Variants in BRWD3 observed in about 807,000 individuals in gnomAD.
BRWD3 encodes bromodomain and WD repeat domain containing 3.
A neutral mutation model predicts 149.7 loss-of-function variants in BRWD3; 10 were observed. That is an observed-to-expected ratio of 0.07 (90% CI 0.04 to 0.11). The LOEUF is 0.11. BRWD3 is among the 10% of genes least tolerant of loss of function. BRWD3 has a pLI of 1.00. For missense variants in BRWD3, 940 were observed against 1,373.2 expected, an observed-to-expected ratio of 0.68 and a Z score of 4.99; for synonymous variants, 504 against 456.7, an observed-to-expected ratio of 1.10 and a Z score of -1.32.
At chrX:80,704,136 G>A (rs1479867645) in intron 23 of BRWD3, among the ~76,000 whole-genome samples, 1 of 110,981 alleles carries the variant, frequency 9.0e-6, no homozygotes, top group Non-Finnish European at 1.9e-5. Flanking sequence ...AGGCTGAGGT[G>A]GGAGTATTGC....
intron 20 of BRWD3, chrX:80,710,578 C>T (rs1370882314): frequency 4.3e-6 from 2 of 462,140 alleles, no homozygotes; most frequent in African/African-American, 2.4e-5. Flanking sequence ...TTGGAGTTTA[C>T]AATCTATCAT....
intron 20 of BRWD3, 82 bp downstream of exon 20, chrX:80,716,075 C>T: frequency 2.5e-6 from 2 of 809,246 alleles, no homozygotes; most frequent in Non-Finnish European, 3.7e-6. Context: ...TCTCTTAACA[C>T]ACAACTGCTG....
intron 6 of BRWD3, among the ~76,000 whole-genome samples, chrX:80,775,064 T>C (rs1007802003): frequency 1.8e-5 from 2 of 112,386 alleles, no homozygotes; most frequent in Non-Finnish European, 3.8e-5. Flanking sequence ...CTAAGGACCA[T>C]GGACCAAATG....
intron 27 of BRWD3, among the ~76,000 whole-genome samples, chrX:80,693,323 GCAT>G (rs763109654): frequency 1.1e-3 from 120 of 111,700 alleles, no homozygotes; most frequent in Non-Finnish European, 2.1e-3. Context: ...CAATTAATTA[GCAT>G]CATCATTAGG....
chrX:80,772,633 G>C (rs776996889), intron 6 of BRWD3, among the ~76,000 whole-genome samples: 7 of 110,255 alleles, frequency 6.3e-5, no homozygotes, highest in Non-Finnish European at 1.1e-4. Flanking sequence ...AAAAATAAAT[G>C]ATCCTGAAGA....
intron 6 of BRWD3, among the ~76,000 whole-genome samples, chrX:80,759,755 C>A (rs918288906): frequency 3.4e-4 from 38 of 111,595 alleles, no homozygotes; most frequent in African/African-American, 1.1e-3. Context: ...TATGGCTCAA[C>A]ATGATAGCTA....
At position 80,735,212 on chromosome X, in the gene BRWD3, A is replaced by G; in HGVS notation, c.915-15T>C. ...CCGGGCGATCTCTAAAGATAAAAAT[A>G]AGGTGTTTTTGTGTTTCATCATGTT... On this transcript the variant is annotated splice_polypyrimidine_tract_variant and intron_variant, in intron 9 of 40. Coordinates refer to ENST00000373275, the MANE Select transcript of BRWD3 (RefSeq NM_153252.5). 1 of 1,191,691 alleles carries G rather than the reference A, an allele frequency of 8.4e-7. No homozygotes were observed. Among genetic ancestry groups the G allele is most frequent in the South Asian group, 1.8e-5 (1 of 56,460 alleles).
intron 5 of BRWD3, 123 bp from the exon 6 acceptor site, chrX:80,792,075 T>A: frequency 2.0e-6 from 1 of 496,698 alleles, no homozygotes; most frequent in African/African-American, 2.4e-5. Flanking sequence ...TAAACCAAAA[T>A]GAAAATAATA....
chrX:80,690,756 C>T (rs1376799559), intron 31 of BRWD3, among the ~76,000 whole-genome samples: 2 of 111,681 alleles, frequency 1.8e-5, no homozygotes, highest in East Asian at 5.6e-4. Context: ...TTTGTAGCAC[C>T]TTAATAACGA....
intron 6 of BRWD3, among the ~76,000 whole-genome samples, chrX:80,790,411 GTACCAGT>G (rs2074168563): frequency 9.1e-6 from 1 of 110,333 alleles, no homozygotes; most frequent in South Asian, 3.8e-4. Context: ...AGCATCTTGA[GTACCAGT>G]TACTACATGA....
intron 14 of BRWD3, among the ~76,000 whole-genome samples, chrX:80,727,241 A>G (rs772951086): frequency 2.0e-4 from 22 of 111,509 alleles, no homozygotes; most frequent in African/African-American, 6.8e-4. Context: ...AGTCACTCTT[A>G]GCCCATTCCA....
intron 6 of BRWD3, among the ~76,000 whole-genome samples, chrX:80,771,331 C>T (rs1049731795): frequency 1.8e-5 from 2 of 111,665 alleles, no homozygotes; most frequent in African/African-American, 6.5e-5. Context: ...GGAGGCATCA[C>T]ACTACCTGGC....
chrX:80,753,835 T>C (rs998635355), intron 6 of BRWD3, among the ~76,000 whole-genome samples: 4 of 111,310 alleles, frequency 3.6e-5, no homozygotes, highest in Non-Finnish European at 7.5e-5. Flanking sequence ...TGGCTATAAA[T>C]ATGTAGATTT....
intron 14 of BRWD3, 134 bp from the exon 15 acceptor site, chrX:80,725,201 G>C: frequency 1.5e-6 from 1 of 650,533 alleles, no homozygotes; most frequent in Non-Finnish European, 2.4e-6. Flanking sequence ...TTATGACATG[G>C]ATACTACATG....
chrX:80,794,005 C>A (rs2074210141), intron 4 of BRWD3, among the ~76,000 whole-genome samples: 1 of 109,876 alleles, frequency 9.1e-6, no homozygotes, highest in Non-Finnish European at 1.9e-5. Flanking sequence ...ATGGTGAAAC[C>A]CCATCTCCAC....
intron 6 of BRWD3, among the ~76,000 whole-genome samples, chrX:80,783,199 A>C (rs1282589893): frequency 9.1e-6 from 1 of 110,093 alleles, no homozygotes; most frequent in Non-Finnish European, 1.9e-5. Flanking sequence ...CAGCCTGGCC[A>C]ACGTGGTGAA....
chrX:80,805,075 C>A (rs2074336536), intron 4 of BRWD3, among the ~76,000 whole-genome samples: 1 of 111,831 alleles, frequency 8.9e-6, no homozygotes, highest in African/African-American at 3.3e-5. Context: ...TAACTGCAAG[C>A]AGCTTTAATA....
At chrX:80,794,528 A>AT (rs1569290710) in intron 4 of BRWD3, among the ~76,000 whole-genome samples, 86 of 108,253 alleles carry the variant, frequency 7.9e-4, no homozygotes, top group Non-Finnish European at 1.2e-3. Context: ...TAAATAAAAA[A>AT]ATATATATAT....
chrX:80,707,369 A>G (rs947973135), intron 22 of BRWD3, 58 bp downstream of exon 22: 1 of 1,019,142 alleles, frequency 9.8e-7, no homozygotes, highest in African/African-American at 1.9e-5. Flanking sequence ...CTACGAGAAC[A>G]TAATTTCGTA....
Sources: gnomAD v4.1 joint callset for allele counts (sites outside exome capture counted in the v4.1 genomes callset) on GRCh38, gnomAD v4.1.1 for gene constraint, MANE v1.5 for transcripts, NCBI Gene and HGNC (gene_info 2026-07-23, HGNC 2026-07-21) for gene names.